PRKCH: variants seen among roughly 807,000 people sequenced by gnomAD.
The protein encoded by PRKCH is protein kinase C eta type.
Under a neutral mutation model 82.5 loss-of-function variants are expected in PRKCH, and 28 were observed. The observed-to-expected ratio is 0.34, with a 90% CI of 0.25 to 0.47. The LOEUF (loss-of-function observed/expected upper bound fraction) is 0.47. PRKCH is among the 20% of genes least tolerant of loss of function. The pLI is 1.00. For missense variants in PRKCH, 705 were observed against 881.8 expected (o/e 0.80, Z 2.54); for synonymous variants, 322 against 327.4 (o/e 0.98, Z 0.18).
chr14:61,221,562 G>A (rs569695048), intron 1 of PRKCH, among the ~76,000 whole-genome samples: 9 of 152,062 alleles, frequency 5.9e-5, no homozygotes, highest in Admixed American at 5.9e-4. Context: ...ATATTAAAGT[G>A]ATGCCTGCCC....
intron 1 of PRKCH, among the ~76,000 whole-genome samples, chr14:61,263,114 A>G (rs987201674): frequency 2.6e-5 from 4 of 152,162 alleles, no homozygotes; most frequent in African/African-American, 7.2e-5. Context: ...CCGCTCCATC[A>G]CAAACTAGCA....
chr14:61,498,120 T>A (rs918132543), intron 10 of PRKCH, among the ~76,000 whole-genome samples: 1 of 152,108 alleles, frequency 6.6e-6, no homozygotes, highest in Non-Finnish European at 1.5e-5. Flanking sequence ...CTCAAGCGAT[T>A]CTCCTGCCTC....
Position 61,238,988 on chromosome 14 carries a change from A to G in PRKCH, c.-19+51320A>G, listed in dbSNP as rs185261482. 2.0e-3 allele frequency among the ~76,000 whole-genome samples: 310 copies of G among 152,288 alleles called. 1 individual carries two copies. Among genetic ancestry groups the G allele is most frequent in the African/African-American group, 7.2e-3 (300 of 41,556 alleles). On this transcript the variant is annotated intron_variant, in intron 1 of 3. Transcript: ENST00000555185. The stretch of plus-strand genomic sequence containing the variant: ...GCTGGTCCCACATGGCTTGCATATG[A>G]AGCATATTAGCTGCTGTAACTGGAG...
Position 61,529,223 on chromosome 14 carries a change from G to C in PRKCH, c.1572+10G>C, listed in dbSNP as rs761494150. On this transcript the variant is annotated intron_variant, in intron 11 of 13. Coordinates refer to ENST00000332981, the MANE Select transcript of PRKCH (RefSeq NM_006255.5). ...CTATATCGCTCCAGAGGTGAGTGCA[G>C]CTGCTTGATGCAGCTCTGAAATCTG... 1.9e-6 allele frequency: 3 copies of C among 1,601,544 alleles called. No individual in the cohort carries two copies. In the South Asian group the frequency reaches 3.3e-5, roughly 18 times the overall value.
intron 1 of PRKCH, among the ~76,000 whole-genome samples, chr14:61,387,962 A>G (rs1211511746): frequency 6.6e-6 from 1 of 152,156 alleles, no homozygotes; most frequent in Non-Finnish European, 1.5e-5. Flanking sequence ...AGCCTTGCCA[A>G]CATGGCGAAA....
At chr14:61,340,269 CCT>C (rs1184490794) in intron 1 of PRKCH, among the ~76,000 whole-genome samples, 2 of 151,812 alleles carry the variant, frequency 1.3e-5, no homozygotes, top group African/African-American at 4.8e-5. Context: ...TCATTGCTCC[CCT>C]GTTTCTGTGT....
chr14:61,205,591 C>T (rs143591463), intron 1 of PRKCH, among the ~76,000 whole-genome samples: 74 of 152,274 alleles, frequency 4.9e-4, no homozygotes, highest in African/African-American at 1.7e-3. Context: ...CACTTCCTGC[C>T]GTGCTGACAG....
At chr14:61,496,620 C>T (rs1330395169) in intron 10 of PRKCH, among the ~76,000 whole-genome samples, 1 of 151,834 alleles carries the variant, frequency 6.6e-6, no homozygotes, top group African/African-American at 2.4e-5. Context: ...GAAACCCTTC[C>T]CTTAGTGCTT....
chr14:61,233,875 T>A (rs2044765187), intron 1 of PRKCH, among the ~76,000 whole-genome samples: 1 of 152,134 alleles, frequency 6.6e-6, no homozygotes, highest in South Asian at 2.1e-4. Context: ...ATGTCTTTTT[T>A]AGCAGCATGA....
chr14:61,222,564 T>G lies in PRKCH; in HGVS notation c.-19+34896T>G, dbSNP rs560527393. Among the ~76,000 whole-genome samples the G allele has an allele frequency of 4.0e-3, 613 of 152,372 alleles. 2 individuals carry two copies. The highest frequency in any genetic ancestry group is 6.8e-3 in the Middle Eastern group (2 of 294). On this transcript the variant is annotated intron_variant, in intron 1 of 3. Transcript: ENST00000555185. ...GTGTCAAACAAGCTAATGTGTCTCC[T>G]GAGAATTGTGTGTTCAGACATGAAC...
In PRKCH at chr14:61,280,025, A is replaced by T; in HGVS notation, c.-19+92357A>T. The T allele has an allele frequency of 7.3e-7, 1 of 1,373,338 alleles. No homozygotes were observed. Among genetic ancestry groups the T allele is most frequent in the Non-Finnish European group, 9.8e-7 (1 of 1,015,264 alleles). The allele number at this position is 1,373,338 out of a possible 1,614,324, so 85.1% of individuals were successfully genotyped here. A position where few individuals can be genotyped will look rare whatever the true frequency, so the allele number is the denominator to read the frequency against. On this transcript the variant is annotated intron_variant, in intron 1 of 3. Transcript: ENST00000555185. This position sits in a 1 kb window ranked among gnomAD's most constrained non-coding sequence, Gnocchi z 5.0. Reference sequence around the variant, plus strand: ...GGTTGGAATTGGGTGACGGGCGAGGAGGAGATGCCAAAAGCACCTTGCAAG... The same window carrying T: ...GGTTGGAATTGGGTGACGGGCGAGGTGGAGATGCCAAAAGCACCTTGCAAG...
chr14:61,352,062 T>A (rs2046083123), intron 1 of PRKCH, among the ~76,000 whole-genome samples: 1 of 151,884 alleles, frequency 6.6e-6, no homozygotes, highest in South Asian at 2.1e-4. Flanking sequence ...CACAAAGGGG[T>A]GGCAACTTGA....
intron 2 of PRKCH, among the ~76,000 whole-genome samples, chr14:61,407,021 G>A (rs942510042): frequency 1.3e-5 from 2 of 151,994 alleles, no homozygotes; most frequent in African/African-American, 4.8e-5. Flanking sequence ...GCTGATTTTT[G>A]TGGCACAGTT....
chr14:61,475,020 A>G (rs1269726985), intron 9 of PRKCH, among the ~76,000 whole-genome samples: 1 of 152,222 alleles, frequency 6.6e-6, no homozygotes, highest in African/African-American at 2.4e-5. Context: ...CTATAACCCA[A>G]AATATCTTCC....
intron 1 of PRKCH, among the ~76,000 whole-genome samples, chr14:61,382,924 A>G (rs1369539874): frequency 1.3e-5 from 2 of 152,242 alleles, no homozygotes; most frequent in African/African-American, 4.8e-5. Flanking sequence ...TCCTTTGTGT[A>G]GGCTTTTATC....
chr14:61,385,726 T>C (rs995736532), intron 1 of PRKCH, among the ~76,000 whole-genome samples: 17 of 152,196 alleles, frequency 1.1e-4, no homozygotes, highest in African/African-American at 3.6e-4. Flanking sequence ...CTACATGAAG[T>C]TGCTGAGAGT....
intron 9 of PRKCH, among the ~76,000 whole-genome samples, chr14:61,473,644 A>AT (rs1885601905): frequency 1.3e-5 from 2 of 152,180 alleles, no homozygotes; most frequent in East Asian, 3.8e-4. Flanking sequence ...CACACTTGAG[A>AT]TGGGAGATCA....
chr14:61,414,015 C>T (rs1882423682), intron 2 of PRKCH, among the ~76,000 whole-genome samples: 1 of 152,170 alleles, frequency 6.6e-6, no homozygotes, highest in African/African-American at 2.4e-5. Flanking sequence ...AAGTCTGGAT[C>T]ATCCCATTCT....
chr14:61,377,847 CTATT>C (rs1356561501), intron 1 of PRKCH, among the ~76,000 whole-genome samples: 1 of 152,198 alleles, frequency 6.6e-6, no homozygotes, highest in African/African-American at 2.4e-5. Flanking sequence ...AGCTGTCTGT[CTATT>C]CATTCATCTA....
Sources: allele counts gnomAD v4.1 joint callset (sites outside exome capture counted in the v4.1 genomes callset), GRCh38; gene constraint gnomAD v4.1.1; non-coding constraint Gnocchi (gnomAD v3.1); transcripts MANE v1.5; gene names NCBI Gene and HGNC (gene_info 2026-07-23, HGNC 2026-07-21).